NRXN3: variants seen among roughly 807,000 people sequenced by gnomAD.
NRXN3 encodes neurexin 3, also known as neurexin III.
A neutral mutation model predicts 137.6 loss-of-function variants in NRXN3; 32 were observed. The ratio of observed to expected loss-of-function variants is 0.23; its 90% CI spans 0.18 to 0.31. The LOEUF is 0.31. Among genes scored for constraint, NRXN3 ranks in the 10% least tolerant of loss-of-function variants. The pLI, the probability that NRXN3 is intolerant of heterozygous loss-of-function variation, is 1.00. For missense variants in NRXN3, 1,574 were observed against 2,062.5 expected (o/e 0.76, Z 4.59); for synonymous variants, 798 against 784.5 (o/e 1.02, Z -0.29).
At chr14:79,314,636 C>T (rs1225355262) in intron 15 of NRXN3, among the ~76,000 whole-genome samples, 1 of 116,816 alleles carries the variant, frequency 8.6e-6, no homozygotes, top group African/African-American at 3.4e-5. Flanking sequence ...AAAAAGACAG[C>T]AGTAACCTCT....
At chr14:79,427,626 G>A (rs2095674856) in intron 15 of NRXN3, among the ~76,000 whole-genome samples, 1 of 152,128 alleles carries the variant, frequency 6.6e-6, no homozygotes, top group Non-Finnish European at 1.5e-5. Flanking sequence ...GAGACCAGGA[G>A]TTCGAGACCA....
At chr14:78,726,295 C>T (rs10137516) in intron 8 of NRXN3, among the ~76,000 whole-genome samples, 78,157 of 151,766 alleles carry the variant, frequency 0.51, 23,384 homozygotes, top group Non-Finnish European at 0.65. Flanking sequence ...CACCCATCAA[C>T]CCATCACTTA....
intron 20 of NRXN3, among the ~76,000 whole-genome samples, chr14:79,838,554 C>G (rs1488571487): frequency 1.3e-5 from 2 of 152,120 alleles, no homozygotes; most frequent in Non-Finnish European, 2.9e-5. Flanking sequence ...TATGTCAGCA[C>G]CTTTTCACTA....
At chr14:78,471,846 C>T (rs1042653311) in intron 4 of NRXN3, among the ~76,000 whole-genome samples, 2 of 152,096 alleles carry the variant, frequency 1.3e-5, no homozygotes, top group African/African-American at 2.4e-5. Context: ...GGCTTAGGCC[C>T]CTCAAATACT....
intron 2 of NRXN3, among the ~76,000 whole-genome samples, chr14:78,245,313 C>A (rs2178864): frequency 0.28 from 42,584 of 152,078 alleles, 6,349 homozygotes; most frequent in East Asian, 0.34. Context: ...AAATCAGAAT[C>A]TCTTGGCATG....
At chr14:78,962,616 C>T (rs1004247641) in intron 11 of NRXN3, among the ~76,000 whole-genome samples, 7 of 152,220 alleles carry the variant, frequency 4.6e-5, no homozygotes, top group Non-Finnish European at 8.8e-5. Flanking sequence ...TCATGCTTTG[C>T]ACAGGTGCAA....
In NRXN3 at chr14:78,752,038, G is replaced by A. The variant is rs1457398251; in HGVS notation, c.2044+36899G>A. Among the ~76,000 whole-genome samples, 7 of 152,154 alleles carry A rather than the reference G, an allele frequency of 4.6e-5. No homozygotes were observed. The East Asian group carries it at 9.7e-4, about 21-fold the overall frequency. On this transcript the variant is annotated intron_variant, in intron 8 of 20. Transcript: ENST00000335750. ...TCAGCAGAAACCGAAGTCACCAATG[G>A]CAAGTGTTCGTGTATTTGTGACATT...
chr14:79,217,245 T>G (rs2068694277), intron 15 of NRXN3, among the ~76,000 whole-genome samples: 1 of 152,198 alleles, frequency 6.6e-6, no homozygotes, highest in Admixed American at 6.5e-5. Context: ...TGGTGAGGTC[T>G]CAGGGAGGTT....
chr14:79,764,720 C>T (rs1343752766), intron 19 of NRXN3, among the ~76,000 whole-genome samples: 3 of 152,094 alleles, frequency 2.0e-5, no homozygotes, highest in Non-Finnish European at 4.4e-5. Context: ...ATCTGACTGG[C>T]AGGCTGATGG....
At chr14:79,262,907 G>T (rs1231309225) in intron 15 of NRXN3, among the ~76,000 whole-genome samples, 1 of 152,124 alleles carries the variant, frequency 6.6e-6, no homozygotes, top group Non-Finnish European at 1.5e-5. Flanking sequence ...ATCTTTTAGG[G>T]CCTGTGTATC....
At chr14:78,843,933 G>T (rs571055943) in intron 10 of NRXN3, among the ~76,000 whole-genome samples, 40 of 152,038 alleles carry the variant, frequency 2.6e-4, no homozygotes, top group Non-Finnish European at 5.1e-4. Context: ...TCACAGAAAG[G>T]GTGTCTGAAG....
At chr14:78,657,662 A>AACAGAT (rs1161164502) in intron 6 of NRXN3, among the ~76,000 whole-genome samples, 1 of 152,238 alleles carries the variant, frequency 6.6e-6, no homozygotes, top group Non-Finnish European at 1.5e-5. Flanking sequence ...ATAGTCTCTG[A>AACAGAT]ACAGATGATT....
At chr14:79,071,758 A>G (rs745683737) in intron 15 of NRXN3, among the ~76,000 whole-genome samples, 2 of 152,208 alleles carry the variant, frequency 1.3e-5, no homozygotes, top group Non-Finnish European at 1.5e-5. Flanking sequence ...AGGATTTGAT[A>G]GCCTATCAGG....
In NRXN3 at chr14:78,651,199, C is replaced by A; in HGVS notation, c.1094C>A (p.Thr365Lys). Residue 365 changes from threonine to lysine, a missense_variant, in exon 6 of 21, where the codon ACG becomes AAG. By Grantham distance (78) the Thr-to-Lys change is moderately conservative (BLOSUM62 -1). Transcript: ENST00000335750. ...TCTGTGGATGGCATTCTTACCACGA[C>A]GGGCTACACTCAAGAGGACTATACC... Reference protein sequence around the residue: ...TISVDGILTTTGYTQEDYTML... With the variant: ...TISVDGILTTKGYTQEDYTML... 1 of 1,613,770 alleles carries A rather than the reference C, an allele frequency of 6.2e-7. No individual in the cohort carries two copies. Among genetic ancestry groups the A allele is most frequent in the South Asian group, 1.1e-5 (1 of 91,032 alleles).
chr14:79,372,014 T>C (rs1427718456), intron 15 of NRXN3, among the ~76,000 whole-genome samples: 1 of 152,222 alleles, frequency 6.6e-6, no homozygotes, highest in South Asian at 2.1e-4. Flanking sequence ...TTACTTCATT[T>C]GTTGAACAAT....
intron 15 of NRXN3, among the ~76,000 whole-genome samples, chr14:79,295,219 G>A (rs1598394782): frequency 6.6e-6 from 1 of 151,538 alleles, no homozygotes; most frequent in Middle Eastern, 3.4e-3. Flanking sequence ...CTACCATAGT[G>A]CCTTTATTTG....
chr14:78,903,914 G>A (rs891714757), intron 10 of NRXN3, among the ~76,000 whole-genome samples: 3 of 152,018 alleles, frequency 2.0e-5, no homozygotes, highest in Non-Finnish European at 2.9e-5. Flanking sequence ...AATGACCATT[G>A]AGAGACAAAG....
At chr14:78,339,227 T>C (rs1484584175) in intron 4 of NRXN3, among the ~76,000 whole-genome samples, 1 of 152,234 alleles carries the variant, frequency 6.6e-6, no homozygotes, top group East Asian at 1.9e-4. Context: ...CCAGGCCTTT[T>C]AAATATATTT....
intron 16 of NRXN3, among the ~76,000 whole-genome samples, chr14:79,499,086 A>T (rs936925865): frequency 6.6e-5 from 10 of 152,182 alleles, no homozygotes; most frequent in Admixed American, 2.0e-4. Context: ...GGTATTTTTT[A>T]AAAAATATAA....
Sources: allele counts gnomAD v4.1 joint callset (sites outside exome capture counted in the v4.1 genomes callset), GRCh38; gene constraint gnomAD v4.1.1; transcripts MANE v1.5; gene names NCBI Gene and HGNC (gene_info 2026-07-23, HGNC 2026-07-21).